KALRN: variants seen among roughly 807,000 people sequenced by gnomAD.
KALRN encodes kalirin.
In KALRN, 70 loss-of-function variants were observed where a neutral mutation model predicts 353.7. That is an observed-to-expected ratio of 0.20 (90% CI 0.16 to 0.24). The LOEUF is 0.24. Ranked by LOEUF, KALRN falls within the 10% of genes least tolerant of loss-of-function variation. The probability of loss-of-function intolerance (pLI) is 1.00; values close to 1 mark genes in which losing one functional copy is unlikely to be tolerated. For synonymous variants in KALRN, 1,391 were observed against 1,434.8 expected (o/e 0.97, Z 0.69); for missense variants, 2,791 against 3,756.7 (o/e 0.74, Z 6.72).
chr3:124,432,523 G>C (rs1457451394), intron 16 of KALRN, among the ~76,000 whole-genome samples: 2 of 152,194 alleles, frequency 1.3e-5, no homozygotes, highest in Admixed American at 6.5e-5. Context: ...ACAGTTATGA[G>C]GCATGCTGGG....
At chr3:124,079,210 G>A (rs539824435) in intron 1 of KALRN, among the ~76,000 whole-genome samples, 25 of 152,248 alleles carry the variant, frequency 1.6e-4, no homozygotes, top group African/African-American at 5.5e-4. Context: ...TTGCATCAAG[G>A]ACAGACGTGG....
chr3:124,591,614 A>T (rs2075780362), intron 34 of KALRN, among the ~76,000 whole-genome samples: 1 of 152,192 alleles, frequency 6.6e-6, no homozygotes, highest in South Asian at 2.1e-4. Context: ...TACCCCATTG[A>T]GCTGTGAAGA....
At chr3:124,321,661 A>G (rs149204954) in intron 6 of KALRN, among the ~76,000 whole-genome samples, 91 of 152,362 alleles carry the variant, frequency 6.0e-4, no homozygotes, top group African/African-American at 2.0e-3. Context: ...GCAGGATGAA[A>G]AAAAGAATTT....
intron 5 of KALRN, among the ~76,000 whole-genome samples, chr3:124,293,573 T>C (rs1433297682): frequency 6.6e-6 from 1 of 152,134 alleles, no homozygotes; most frequent in African/African-American, 2.4e-5. Context: ...TCACTGGATT[T>C]TAGCCAGCAG....
intron 12 of KALRN, chr3:124,395,603 C>A: frequency 1.2e-5 from 5 of 433,338 alleles, no homozygotes; most frequent in Admixed American, 3.9e-5. Flanking sequence ...ATAAATACAA[C>A]AAAAATTAAC....
chr3:124,565,313 G>T (rs1316667013), intron 34 of KALRN, among the ~76,000 whole-genome samples: 1 of 152,204 alleles, frequency 6.6e-6, no homozygotes, highest in Admixed American at 6.5e-5. Context: ...AGGAAGTTGT[G>T]TGGGAATTTG....
intron 46 of KALRN, 147 bp downstream of exon 46, chr3:124,666,781 A>C: frequency 1.3e-6 from 1 of 746,110 alleles, no homozygotes; most frequent in Non-Finnish European, 2.2e-6. Flanking sequence ...GCTGCACGAC[A>C]GTGATTATCT....
In KALRN at chr3:124,439,150, T is replaced by TCC. The variant is rs2093581166; in HGVS notation, c.3198+114_3198+115insCC. 3.8e-6 allele frequency: 4 copies of TCC among 1,040,964 alleles called. No homozygotes were observed. The African/African-American group carries it at 6.5e-5, about 17-fold the overall frequency. The allele number at this position is 1,040,964 out of a possible 1,614,324, so 64.5% of individuals were successfully genotyped here. A position where few individuals can be genotyped will look rare whatever the true frequency, so the allele number is the denominator to read the frequency against. On this transcript the variant is annotated intron_variant, in intron 18 of 59. Transcript: ENST00000682506. ...TTCTCTTTCTCTCTCTTTCTCTTTC[T>TCC]CTCTCTTTCTCTTTCTCCTCCTCCT... is the stretch of plus-strand genomic sequence containing the variant.
intron 1 of KALRN, among the ~76,000 whole-genome samples, chr3:124,111,595 A>G (rs1253141882): frequency 1.3e-5 from 2 of 152,226 alleles, no homozygotes; most frequent in Non-Finnish European, 2.9e-5. Flanking sequence ...GCTCAGGATT[A>G]AAGATTAAGA....
At chr3:124,554,050 G>A (rs1296614296) in intron 33 of KALRN, among the ~76,000 whole-genome samples, 1 of 152,242 alleles carries the variant, frequency 6.6e-6, no homozygotes, top group Admixed American at 6.5e-5. Flanking sequence ...TAGGCAGGGA[G>A]TACAGAGATA....
chr3:124,140,781 A>C lies in KALRN; in HGVS notation c.74-87209A>C, dbSNP rs554459642. Among the ~76,000 whole-genome samples the C allele has an allele frequency of 7.2e-5, 11 of 151,990 alleles. 1 individual carries two copies. Among genetic ancestry groups the C allele is most frequent in the Non-Finnish European group, 1.3e-4 (9 of 68,006 alleles). On this transcript the variant is annotated intron_variant, in intron 1 of 59. Transcript: ENST00000682506. Reference sequence around the variant, plus strand: ...TACAGTTTCCAACTCCCAAAGCAGCAGCCTTGCCCTCCCGGGGGGGGCACA... The same window carrying C: ...TACAGTTTCCAACTCCCAAAGCAGCCGCCTTGCCCTCCCGGGGGGGGCACA...
chr3:124,649,497 GA>G (rs1414442415), intron 37 of KALRN, among the ~76,000 whole-genome samples: 2 of 152,154 alleles, frequency 1.3e-5, no homozygotes, highest in Admixed American at 6.5e-5. Flanking sequence ...TTTAGGGCCA[GA>G]CACGCTGTCT....
In KALRN at chr3:124,564,725, T is replaced by A. The variant is rs565918907; in HGVS notation, c.5182+1636T>A. ...ATTTTAAAAAAGAAAGAAACGCAAA[T>A]GATCAGAACCCCCACTCCTCCAGAG... On this transcript the variant is annotated intron_variant, in intron 34 of 59. Transcript: ENST00000682506. Among the ~76,000 whole-genome samples, 4 of 152,294 alleles carry A rather than the reference T, an allele frequency of 2.6e-5. No homozygotes were observed. In the East Asian group the frequency reaches 7.7e-4, roughly 29 times the overall value.
At position 124,635,447 on chromosome 3, in the gene KALRN, T is replaced by C. The variant is rs77390170; in HGVS notation, c.5568+1494T>C. 7.2e-5 allele frequency among the ~76,000 whole-genome samples: 11 copies of C among 152,312 alleles called. No individual in the cohort carries two copies. In the East Asian group the frequency reaches 2.1e-3, roughly 29 times the overall value. ...AACCCAGAATTCTGACTTACCTTTA[T>C]TTGTGTAGCCTTTTCCTTATGCAGA... On this transcript the variant is annotated intron_variant, in intron 36 of 59. Coordinates refer to ENST00000682506, the MANE Select transcript of KALRN (RefSeq NM_001388419.1).
At chr3:124,245,159 C>T (rs1225946534) in intron 3 of KALRN, among the ~76,000 whole-genome samples, 2 of 152,148 alleles carry the variant, frequency 1.3e-5, no homozygotes, top group Middle Eastern at 3.2e-3. Flanking sequence ...CTCTTCCCAG[C>T]GTCTGGTAAT....
chr3:124,252,644 AT>A (rs2071338604), intron 3 of KALRN, among the ~76,000 whole-genome samples: 1 of 152,254 alleles, frequency 6.6e-6, no homozygotes. Flanking sequence ...CTTTGGAATA[AT>A]AACCTGGGTA....
intron 13 of KALRN, among the ~76,000 whole-genome samples, chr3:124,399,435 G>A (rs567683235): frequency 1.6e-4 from 25 of 152,336 alleles, no homozygotes; most frequent in African/African-American, 6.0e-4. Flanking sequence ...ACTGTGCCTA[G>A]CCAAGAAGTT....
chr3:124,338,532 T>C (rs2081361923), intron 9 of KALRN, among the ~76,000 whole-genome samples: 1 of 152,216 alleles, frequency 6.6e-6, no homozygotes, highest in South Asian at 2.1e-4. Context: ...CTTTTGCATT[T>C]GCTGAGGAGT....
intron 33 of KALRN, among the ~76,000 whole-genome samples, chr3:124,540,158 C>T (rs1159299151): frequency 6.6e-6 from 1 of 152,116 alleles, no homozygotes; most frequent in Non-Finnish European, 1.5e-5. Flanking sequence ...TGTGCTCAAG[C>T]ATTCCGCCCA....
Sources: gnomAD v4.1 joint callset for allele counts (sites outside exome capture counted in the v4.1 genomes callset) on GRCh38, gnomAD v4.1.1 for gene constraint, MANE v1.5 for transcripts, NCBI Gene and HGNC (gene_info 2026-07-23, HGNC 2026-07-21) for gene names.